The following NR3C1 variants were observed in gnomAD, a reference collection of about 807,000 sequenced individuals.
NR3C1 encodes nuclear receptor subfamily 3 group C member 1.
A neutral mutation model predicts 74.0 loss-of-function variants in NR3C1; 14 were observed. The observed-to-expected ratio is 0.19, with a 90% CI of 0.12 to 0.30. The LOEUF is 0.30. Ranked by LOEUF, NR3C1 falls within the 10% of genes least tolerant of loss-of-function variation. The probability of loss-of-function intolerance (pLI) is 1.00; values close to 1 mark genes in which losing one functional copy is unlikely to be tolerated. For missense variants in NR3C1, 695 were observed against 909.8 expected, an observed-to-expected ratio of 0.76 and a Z score of 3.04; for synonymous variants, 308 against 332.5, an observed-to-expected ratio of 0.93 and a Z score of 0.80.
intron 2 of NR3C1, among the ~76,000 whole-genome samples, chr5:143,324,690 T>C (rs1468497145): frequency 1.3e-5 from 2 of 152,232 alleles, no homozygotes; most frequent in Admixed American, 6.5e-5. Context: ...TTCAACTGCA[T>C]TGTCAGGCTG....
At chr5:143,294,788 G>T in intron 7 of NR3C1, 1 of 344,230 alleles carries the variant, frequency 2.9e-6, no homozygotes, top group Non-Finnish European at 4.1e-6. Flanking sequence ...TGCATTTAAC[G>T]TCCCTCCATG....
At chr5:143,428,726 G>A (rs1272821949) in intron 1 of NR3C1, among the ~76,000 whole-genome samples, 1 of 152,178 alleles carries the variant, frequency 6.6e-6, no homozygotes, top group Non-Finnish European at 1.5e-5. Flanking sequence ...GACTTGGGAA[G>A]TTAGGTCTAG....
upstream of NR3C1, chr5:143,407,364 T>G (rs116095656): frequency 6.6e-6 from 1 of 152,360 alleles, no homozygotes; most frequent in African/African-American, 2.4e-5. Context: ...GTTTTGTGTT[T>G]AAACATCTGA....
intron 2 of NR3C1, among the ~76,000 whole-genome samples, chr5:143,362,508 C>T (rs184681530): frequency 5.9e-5 from 9 of 151,938 alleles, no homozygotes; most frequent in African/African-American, 2.2e-4. Context: ...CTACAGGCGC[C>T]CGCCACCACA....
At position 143,282,554 on chromosome 5, in the gene NR3C1, T is replaced by A. The variant is rs1813343688; in HGVS notation, c.2181+14A>T. 1 of 1,613,522 alleles carries A rather than the reference T, an allele frequency of 6.2e-7. No individual in the cohort carries two copies. The highest frequency in any genetic ancestry group is 1.3e-5 in the African/African-American group (1 of 74,882). On this transcript the variant is annotated intron_variant, in intron 8 of 8. Transcript: ENST00000394464. ...CAGAAAACTCTTATATTTGGCTTTA[T>A]GTTTGACACTTACTTCATGCATAGA...
upstream of NR3C1, chr5:143,404,384 CGG>C (rs5871845): frequency 5.1e-6 from 5 of 985,294 alleles, no homozygotes; most frequent in South Asian, 2.4e-4. Context: ...ACTTTGGGCC[CGG>C]GGGGAGTCGC....
chr5:143,286,829 A>G (rs1814609367), intron 7 of NR3C1, among the ~76,000 whole-genome samples: 1 of 151,708 alleles, frequency 6.6e-6, no homozygotes, highest in Non-Finnish European at 1.5e-5. Flanking sequence ...GCACTCATGG[A>G]ACACTCAGGA....
chr5:143,415,225 A>C lies in NR3C1; in HGVS notation c.-13-14373T>G, dbSNP rs1449958662. Among the ~76,000 whole-genome samples, 3 of 152,320 alleles carry C rather than the reference A, an allele frequency of 2.0e-5. No individual in the cohort carries two copies. In the East Asian group the frequency reaches 5.8e-4, roughly 29 times the overall value. On this transcript the variant is annotated intron_variant, in intron 1 of 8. Coordinates refer to the NR3C1 transcript ENST00000343796. ...TTTCTTTTTATATTTTGATGGCAAC[A>C]AATTTGTAATTATTTTTGAGTTTTT...
chr5:143,402,127 G>A (rs370328287), intron 1 of NR3C1, among the ~76,000 whole-genome samples: 1 of 152,252 alleles, frequency 6.6e-6, no homozygotes, highest in East Asian at 1.9e-4. Context: ...AATCTTGAGG[G>A]TAAACTGCTT....
At chr5:143,345,695 C>T (rs1312842350) in intron 2 of NR3C1, among the ~76,000 whole-genome samples, 1 of 152,108 alleles carries the variant, frequency 6.6e-6, no homozygotes, top group East Asian at 1.9e-4. Context: ...TTTCATCCAC[C>T]ATCACTATGA....
intron 2 of NR3C1, among the ~76,000 whole-genome samples, chr5:143,391,756 G>C (rs1246570577): frequency 6.6e-6 from 1 of 152,138 alleles, no homozygotes; most frequent in East Asian, 1.9e-4. Context: ...AAATACAGCA[G>C]TCTTTATGAA....
intron 4 of NR3C1, among the ~76,000 whole-genome samples, chr5:143,308,513 A>G (rs948924784): frequency 6.6e-6 from 1 of 152,094 alleles, no homozygotes; most frequent in African/African-American, 2.4e-5. Context: ...CATGGTTTCC[A>G]TTCTCTCTCA....
chr5:143,280,597 T>C lies in NR3C1; in HGVS notation c.*1292A>G, dbSNP rs1263034173. 2 of 152,636 alleles carry C rather than the reference T, an allele frequency of 1.3e-5. No individual in the cohort carries two copies. Among genetic ancestry groups the C allele is most frequent in the Non-Finnish European group, 2.9e-5 (2 of 68,032 alleles). 9.5% of individuals were successfully genotyped at this position (152,636 alleles called of 1,614,324 possible). ...TTCACAGGACTTGTGTTAAACTCTA[T>C]GGCACACATTAGGGATGTGTAGTTT... On this transcript the variant is annotated 3_prime_UTR_variant, in exon 9 of 9. Coordinates refer to ENST00000394464, the MANE Select transcript of NR3C1 (RefSeq NM_000176.3).
chr5:143,337,319 A>G (rs527782735), intron 2 of NR3C1, among the ~76,000 whole-genome samples: 61 of 152,336 alleles, frequency 4.0e-4, no homozygotes, highest in African/African-American at 1.4e-3. Flanking sequence ...TAACTTACAT[A>G]CCCATCAGAC....
At chr5:143,302,311 T>C (rs1818664319) in intron 4 of NR3C1, among the ~76,000 whole-genome samples, 1 of 152,148 alleles carries the variant, frequency 6.6e-6, no homozygotes, top group African/African-American at 2.4e-5. Flanking sequence ...TAGAATATTT[T>C]AAATTTGGAT....
chr5:143,406,796 AAGT>A (rs1156274238), upstream of NR3C1, among the ~76,000 whole-genome samples: 98 of 152,354 alleles, frequency 6.4e-4, no homozygotes, highest in Non-Finnish European at 2.6e-4. Flanking sequence ...CATTAACATG[AAGT>A]AGTATATCAA....
At chr5:143,378,525 G>A (rs1191284103) in intron 2 of NR3C1, among the ~76,000 whole-genome samples, 2 of 152,158 alleles carry the variant, frequency 1.3e-5, no homozygotes, top group Non-Finnish European at 2.9e-5. Context: ...AATGCCAGAG[G>A]TGGTGGTCTC....
chr5:143,304,532 A>T (rs764790994), intron 4 of NR3C1, among the ~76,000 whole-genome samples: 7 of 152,106 alleles, frequency 4.6e-5, no homozygotes, highest in Non-Finnish European at 1.0e-4. Flanking sequence ...CTACAATGTC[A>T]TTTTTCACAG....
At chr5:143,386,059 C>A (rs1191609065) in intron 2 of NR3C1, among the ~76,000 whole-genome samples, 1 of 152,222 alleles carries the variant, frequency 6.6e-6, no homozygotes, top group Admixed American at 6.5e-5. Context: ...AGGAAACTTA[C>A]ACTCACAGTG....
Sources: gnomAD v4.1 joint callset for allele counts (sites outside exome capture counted in the v4.1 genomes callset) on GRCh38, gnomAD v4.1.1 for gene constraint, MANE v1.5 for transcripts, NCBI Gene and HGNC (gene_info 2026-07-23, HGNC 2026-07-21) for gene names.